Variants in TSHZ1 observed in about 807,000 individuals in gnomAD.
TSHZ1 encodes the protein teashirt zinc finger homeobox 1, also known as teashirt homolog 1.
TSHZ1 carries 12 observed loss-of-function variants against 67.1 expected under a neutral mutation model. The observed-to-expected ratio is 0.18, with a 90% confidence interval of 0.11 to 0.29. TSHZ1 has a LOEUF of 0.29. Among genes scored for constraint, TSHZ1 ranks in the 10% least tolerant of loss-of-function variants. The pLI is 1.00. For synonymous variants in TSHZ1, 632 were observed against 622.4 expected, an observed-to-expected ratio of 1.02 and a Z score of -0.23; for missense variants, 1,305 against 1,413.9, an observed-to-expected ratio of 0.92 and a Z score of 1.23.
At chr18:75,219,115 T>C (rs1431388575) in intron 1 of TSHZ1, among the ~76,000 whole-genome samples, 1 of 152,218 alleles carries the variant, frequency 6.6e-6, no homozygotes, top group African/African-American at 2.4e-5. Context: ...TTTAATGACA[T>C]AATATTTTAG....
chr18:75,268,918 T>C (rs7229426), intron 1 of TSHZ1, among the ~76,000 whole-genome samples: 92,884 of 152,002 alleles, frequency 0.61, 28,503 homozygotes, highest in South Asian at 0.73. Flanking sequence ...CATTTTCCTC[T>C]CTTTATGATT....
At chr18:75,224,089 C>CTT (rs57507792) in intron 1 of TSHZ1, among the ~76,000 whole-genome samples, 4 of 133,300 alleles carry the variant, frequency 3.0e-5, no homozygotes, top group African/African-American at 8.1e-5. Flanking sequence ...AAGATCCTCA[C>CTT]TTTTTTTTTT....
chr18:75,238,354 G>A (rs1182561290), intron 1 of TSHZ1, among the ~76,000 whole-genome samples: 3 of 152,170 alleles, frequency 2.0e-5, no homozygotes, highest in African/African-American at 4.8e-5. Flanking sequence ...TAGTAGAGTC[G>A]TCGTAGGCAG....
At chr18:75,271,286 A>C (rs2122595623) in intron 1 of TSHZ1, among the ~76,000 whole-genome samples, 1 of 152,306 alleles carries the variant, frequency 6.6e-6, no homozygotes, top group South Asian at 2.1e-4. Context: ...TCACCTCGTT[A>C]AGTGGGCATC....
intron 1 of TSHZ1, among the ~76,000 whole-genome samples, chr18:75,238,590 T>C (rs2023112507): frequency 6.6e-6 from 1 of 151,696 alleles, no homozygotes; most frequent in African/African-American, 2.4e-5. Context: ...AGTAAAGGCA[T>C]CAGGATGAAG....
At chr18:75,237,252 T>C (rs1400391288) in intron 1 of TSHZ1, among the ~76,000 whole-genome samples, 1 of 152,194 alleles carries the variant, frequency 6.6e-6, no homozygotes, top group Non-Finnish European at 1.5e-5. Flanking sequence ...CCAGGTGCGG[T>C]AGCTCATGCC....
intron 1 of TSHZ1, among the ~76,000 whole-genome samples, chr18:75,230,817 A>C (rs2022988587): frequency 6.6e-6 from 1 of 152,162 alleles, no homozygotes; most frequent in African/African-American, 2.4e-5. Context: ...GGTGTGGAAA[A>C]TTACTTGACT....
chr18:75,241,377 G>A (rs959750377), intron 1 of TSHZ1, among the ~76,000 whole-genome samples: 5 of 152,190 alleles, frequency 3.3e-5, no homozygotes, highest in Non-Finnish European at 7.3e-5. Flanking sequence ...GGACTGGCTA[G>A]CTGGGGCCTG....
chr18:75,278,977 C>A (rs886196831), intron 1 of TSHZ1, among the ~76,000 whole-genome samples: 1 of 152,134 alleles, frequency 6.6e-6, no homozygotes, highest in East Asian at 1.9e-4. Context: ...CTTGCACCCA[C>A]TAAGTCTGTG....
intron 1 of TSHZ1, among the ~76,000 whole-genome samples, chr18:75,274,159 G>T (rs1055189651): frequency 6.6e-6 from 1 of 152,206 alleles, no homozygotes; most frequent in Non-Finnish European, 1.5e-5. Flanking sequence ...CTCAGGAAGG[G>T]TGGGGGAGTG....
rs2022687277 is a variant in TSHZ1 at position 75,211,507 on chromosome 18, G to A, written c.-370G>A. ...CGGGAGGAGCGCCCGCCCAGCAGCA[G>A]CGCGGCGGCGGGGAGGCGGCAGCAT... is the stretch of plus-strand genomic sequence containing the variant. On this transcript the variant is annotated 5_prime_UTR_variant, in exon 1 of 2. Coordinates refer to ENST00000580243, the MANE Select transcript of TSHZ1 (RefSeq NM_001308210.2). 1 of 146,436 alleles carries A rather than the reference G, an allele frequency of 6.8e-6. No homozygotes were observed. Among genetic ancestry groups the A allele is most frequent in the Non-Finnish European group, 1.5e-5 (1 of 66,138 alleles). 9.1% of individuals were successfully genotyped at this position (146,436 alleles called of 1,614,324 possible).
At position 75,287,975 on chromosome 18, in the gene TSHZ1, C is replaced by T. The variant is rs1414583729; in HGVS notation, c.2568C>T (p.Ser856=). 1.9e-6 allele frequency: 3 copies of T among 1,614,076 alleles called. No homozygotes were observed. Among genetic ancestry groups the T allele is most frequent in the East Asian group, 2.2e-5 (1 of 44,880 alleles). The change falls in exon 2 of 2, where the codon TCC becomes TCT. Residue 856 remains serine (S), a synonymous_variant. Transcript: ENST00000580243. The surrounding 1 kb of genome is among the most constrained non-coding windows in gnomAD (Gnocchi z 5.0). ...CAGGCCGCCTGACGCCCAAGTCCTCCACGCCCTCCACAGTTTCAGAGAAGT... is the reference window on the plus strand; with the variant it reads ...CAGGCCGCCTGACGCCCAAGTCCTCTACGCCCTCCACAGTTTCAGAGAAGT... The part of the protein sequence containing the change: ...NLTGRLTPKS[S]TPSTVSEKSD...
At chr18:75,215,109 G>T (rs1014974344) in intron 1 of TSHZ1, among the ~76,000 whole-genome samples, 2 of 152,138 alleles carry the variant, frequency 1.3e-5, no homozygotes, top group African/African-American at 2.4e-5. Flanking sequence ...CAGCTGTTAT[G>T]TATTTTTATT....
At chr18:75,238,465 A>T (rs943317967) in intron 1 of TSHZ1, among the ~76,000 whole-genome samples, 1 of 152,180 alleles carries the variant, frequency 6.6e-6, no homozygotes, top group African/African-American at 2.4e-5. Context: ...AAGCGTCGAC[A>T]TGGATGATAT....
chr18:75,273,056 C>T (rs534989684), intron 1 of TSHZ1, among the ~76,000 whole-genome samples: 7 of 152,214 alleles, frequency 4.6e-5, no homozygotes, highest in East Asian at 3.9e-4. Context: ...TTCCATAGTG[C>T]GTGTGGGTAT....
At chr18:75,228,105 C>T (rs1044762251) in intron 1 of TSHZ1, among the ~76,000 whole-genome samples, 2 of 152,188 alleles carry the variant, frequency 1.3e-5, no homozygotes, top group Non-Finnish European at 1.5e-5. Context: ...AACCTGAAAA[C>T]GCGGATCCAT....
At chr18:75,234,401 T>G (rs1599031803) in intron 1 of TSHZ1, among the ~76,000 whole-genome samples, 1 of 152,236 alleles carries the variant, frequency 6.6e-6, no homozygotes, top group Non-Finnish European at 1.5e-5. Context: ...GCTTTAGAAG[T>G]GTTCCTCGTA....
chr18:75,238,819 A>C (rs1034631495), intron 1 of TSHZ1, among the ~76,000 whole-genome samples: 1 of 152,238 alleles, frequency 6.6e-6, no homozygotes, highest in African/African-American at 2.4e-5. Context: ...CTCAAAAAAT[A>C]ACTTGATTTT....
chr18:75,223,938 C>A (rs1003551462), intron 1 of TSHZ1, among the ~76,000 whole-genome samples: 1 of 151,744 alleles, frequency 6.6e-6, no homozygotes, highest in Non-Finnish European at 1.5e-5. Context: ...ATCAGTCATT[C>A]TTAATGATAC....
Sources: gnomAD v4.1 joint callset for allele counts (sites outside exome capture counted in the v4.1 genomes callset) on GRCh38, gnomAD v4.1.1 for gene constraint, Gnocchi (gnomAD v3.1) non-coding constraint, MANE v1.5 for transcripts, NCBI Gene and HGNC (gene_info 2026-07-23, HGNC 2026-07-21) for gene names.